The following FBXO31 variants were observed in gnomAD, a reference collection of about 807,000 sequenced individuals.
FBXO31 encodes F-box protein 31, also known as F-box only protein 31.
Under a neutral mutation model 54.4 loss-of-function variants are expected in FBXO31, and 24 were observed. That is an observed-to-expected ratio of 0.44 (90% CI 0.32 to 0.62). The LOEUF (loss-of-function observed/expected upper bound fraction) is 0.62, where lower values mean the gene tolerates loss of function less well. Ranked by LOEUF, FBXO31 falls within the 20% of genes least tolerant of loss-of-function variation. The pLI is 0.05. For missense variants in FBXO31, 665 were observed against 787.1 expected (o/e 0.84, Z 1.86); for synonymous variants, 388 against 335.6 (o/e 1.16, Z -1.71).
At chr16:87,351,039 C>A (rs1905630697) in intron 2 of FBXO31, among the ~76,000 whole-genome samples, 1 of 152,218 alleles carries the variant, frequency 6.6e-6, no homozygotes, top group South Asian at 2.1e-4. Context: ...GTGACGGCCA[C>A]CAAAACCATC....
At chr16:87,367,319 C>G (rs922458327) in intron 1 of FBXO31, 1 of 152,198 alleles carries the variant, frequency 6.6e-6, no homozygotes, top group African/African-American at 2.4e-5. Flanking sequence ...CACCCTCAGA[C>G]CAGCTCAGTG....
chr16:87,361,541 G>C (rs768102218), intron 1 of FBXO31, among the ~76,000 whole-genome samples: 1 of 152,202 alleles, frequency 6.6e-6, no homozygotes, highest in East Asian at 1.9e-4. Context: ...CCGAGGCCCA[G>C]TGAAGTTGAT....
rs1905346865 is a variant in FBXO31, at chr16:87,345,486, T to G, written c.489+1688A>C. The stretch of plus-strand genomic sequence containing the variant: ...CAAATACCAAGAAAAGTCAGACAAC[T>G]TCACTGTGTTGAATGAGCAGCTACT... On this transcript the variant is annotated intron_variant, in intron 3 of 8. Coordinates refer to ENST00000311635, the MANE Select transcript of FBXO31 (RefSeq NM_024735.5). The surrounding 1 kb of genome is among the most constrained non-coding windows in gnomAD (Gnocchi z 4.9). Among the ~76,000 whole-genome samples the G allele has an allele frequency of 6.6e-6, 1 of 151,932 alleles. No homozygotes were observed. The highest frequency in any genetic ancestry group is 2.1e-4 in the South Asian group (1 of 4,804).
chr16:87,383,361 G>C lies in FBXO31; in HGVS notation c.340+44C>G. The C allele has an allele frequency of 6.9e-7, 1 of 1,440,466 alleles. No individual in the cohort carries two copies. The highest frequency in any genetic ancestry group is 9.4e-7 in the Non-Finnish European group (1 of 1,067,638). 89.2% of individuals were successfully genotyped at this position (1,440,466 alleles called of 1,614,324 possible). A position where few individuals can be genotyped will look rare whatever the true frequency, so the allele number is the denominator to read the frequency against. On this transcript the variant is annotated intron_variant, in intron 1 of 8. Coordinates refer to ENST00000311635, the MANE Select transcript of FBXO31 (RefSeq NM_024735.5). This position sits in a 1 kb window ranked among gnomAD's most constrained non-coding sequence, Gnocchi z 4.9. Reference sequence around the variant, plus strand: ...CCAGCTCCGAGGCCTCCACCTGGCAGGGACCCCCCGCCCCTCCCGGCCCCG... The same window carrying C: ...CCAGCTCCGAGGCCTCCACCTGGCACGGACCCCCCGCCCCTCCCGGCCCCG...
intron 1 of FBXO31, among the ~76,000 whole-genome samples, chr16:87,375,350 GGCATGGTGGT>G (rs1248305070): frequency 1.3e-5 from 2 of 151,772 alleles, no homozygotes; most frequent in Non-Finnish European, 2.9e-5. Context: ...AAATTAGCTG[GGCATGGTGGT>G]GCATGTTTGT....
intron 1 of FBXO31, among the ~76,000 whole-genome samples, chr16:87,389,334 G>T (rs1171723650): frequency 1.3e-5 from 2 of 152,114 alleles, no homozygotes; most frequent in African/African-American, 4.8e-5. Context: ...TGCAAATGTG[G>T]ACTTCAGTCC....
intron 2 of FBXO31, 22 bp downstream of exon 2, chr16:87,360,273 G>T: frequency 1.2e-6 from 2 of 1,605,942 alleles, no homozygotes; most frequent in Non-Finnish European, 1.7e-6. Context: ...AATCATGGAT[G>T]GTAACAAATA....
At chr16:87,378,889 G>C (rs552074604) in intron 1 of FBXO31, among the ~76,000 whole-genome samples, 13 of 151,222 alleles carry the variant, frequency 8.6e-5, no homozygotes, top group African/African-American at 2.9e-4. Context: ...GTGAACCCAG[G>C]AGGCGGAGCT....
chr16:87,358,696 AGTGGTGCCACCAGAAACTCACG>A lies in FBXO31; in HGVS notation c.412+1577_412+1598del, dbSNP rs1372978663. 1.3e-5 allele frequency among the ~76,000 whole-genome samples: 2 copies of A among 152,116 alleles called. No homozygotes were observed. Among genetic ancestry groups the A allele is most frequent in the African/African-American group, 4.8e-5 (2 of 41,430 alleles). On this transcript the variant is annotated intron_variant, in intron 2 of 8. Coordinates refer to ENST00000311635, the MANE Select transcript of FBXO31 (RefSeq NM_024735.5). The surrounding 1 kb of genome is among the most constrained non-coding windows in gnomAD (Gnocchi z 4.0). ...CACTGTGACACGTTTTCCTTCCATCAGTGGTGCCACCAGAAACTCACGGTGGCAGCAAGCTTGGAAATCCTTT... is the reference window on the plus strand; with the variant it reads ...CACTGTGACACGTTTTCCTTCCATCAGTGGCAGCAAGCTTGGAAATCCTTT...
chr16:87,382,394 A>G (rs1315419930), intron 1 of FBXO31, among the ~76,000 whole-genome samples: 1 of 152,104 alleles, frequency 6.6e-6, no homozygotes, highest in Non-Finnish European at 1.5e-5. Context: ...CATCGCTTGG[A>G]TGTTTTCTAA....
intron 2 of FBXO31, among the ~76,000 whole-genome samples, chr16:87,348,784 G>A (rs562897377): frequency 6.6e-5 from 10 of 152,362 alleles, no homozygotes; most frequent in African/African-American, 2.4e-4. Context: ...ACCCACCAGA[G>A]CAGCAGGCAG....
At position 87,358,190 on chromosome 16, in the gene FBXO31, G is replaced by T. The variant is rs1469865832; in HGVS notation, c.412+2105C>A. Among the ~76,000 whole-genome samples, 2 of 152,138 alleles carry T rather than the reference G, an allele frequency of 1.3e-5. No homozygotes were observed. Among genetic ancestry groups the T allele is most frequent in the Non-Finnish European group, 2.9e-5 (2 of 68,036 alleles). ...AGTACCCAGAAACCACTGCAGAAAG[G>T]TAAGCCAAATGCAGCCTGGGTCCAA... On this transcript the variant is annotated intron_variant, in intron 2 of 8. Coordinates refer to ENST00000311635, the MANE Select transcript of FBXO31 (RefSeq NM_024735.5). This position sits in a 1 kb window ranked among gnomAD's most constrained non-coding sequence, Gnocchi z 4.0.
Position 87,343,772 on chromosome 16 carries a change from G to A in FBXO31, c.490-7C>T. ...TGATGAACAGGCCGTCCACCTACAG[G>A]AGGAGATGGGCAAAGGTCCATGAGT... On this transcript the variant is annotated splice_region_variant and splice_polypyrimidine_tract_variant and intron_variant, in intron 3 of 8. Transcript: ENST00000311635. The A allele has an allele frequency of 6.2e-7, 1 of 1,613,144 alleles. No homozygotes were observed. The highest frequency in any genetic ancestry group is 8.5e-7 in the Non-Finnish European group (1 of 1,179,130).
chr16:87,332,521 T>C (rs2150667167), intron 8 of FBXO31, among the ~76,000 whole-genome samples: 1 of 152,360 alleles, frequency 6.6e-6, no homozygotes, highest in South Asian at 2.1e-4. Flanking sequence ...TTCAAACATT[T>C]ATATTAGCGA....
rs144018232 is a variant in FBXO31, at chr16:87,351,602, C to T, written c.413-4352G>A. Among the ~76,000 whole-genome samples, 582 of 152,314 alleles carry T rather than the reference C, an allele frequency of 3.8e-3. 5 individuals carry two copies. Among genetic ancestry groups the T allele is most frequent in the African/African-American group, 0.013 (538 of 41,576 alleles). On this transcript the variant is annotated intron_variant, in intron 2 of 8. Coordinates refer to ENST00000311635, the MANE Select transcript of FBXO31 (RefSeq NM_024735.5). ...GGATAGGGCTGGGTGCGGTGGCTCACTCAAGCCTATAATCCCAGAACTTTA... is the reference window on the plus strand; with the variant it reads ...GGATAGGGCTGGGTGCGGTGGCTCATTCAAGCCTATAATCCCAGAACTTTA...
At chr16:87,368,102 T>C (rs1482511025) in intron 1 of FBXO31, among the ~76,000 whole-genome samples, 1 of 152,160 alleles carries the variant, frequency 6.6e-6, no homozygotes, top group Non-Finnish European at 1.5e-5. Flanking sequence ...AAGTAGGAGA[T>C]GAAATCAACA....
At chr16:87,348,656 T>A (rs1905505051) in intron 2 of FBXO31, among the ~76,000 whole-genome samples, 1 of 152,148 alleles carries the variant, frequency 6.6e-6, no homozygotes, top group African/African-American at 2.4e-5. Context: ...TGTTACAGCC[T>A]CACCCATCTG....
At chr16:87,364,639 T>C (rs1906277391) in intron 1 of FBXO31, among the ~76,000 whole-genome samples, 1 of 152,156 alleles carries the variant, frequency 6.6e-6, no homozygotes, top group African/African-American at 2.4e-5. Context: ...CCCTCCAGAA[T>C]GCAGTACAAC....
intron 2 of FBXO31, among the ~76,000 whole-genome samples, chr16:87,347,944 C>A (rs370439145): frequency 1.3e-5 from 2 of 152,248 alleles, no homozygotes; most frequent in African/African-American, 4.8e-5. Context: ...CAATGTCACA[C>A]TCGCTGAAGG....
Sources: allele counts gnomAD v4.1 joint callset (sites outside exome capture counted in the v4.1 genomes callset), GRCh38; gene constraint gnomAD v4.1.1; non-coding constraint Gnocchi (gnomAD v3.1); transcripts MANE v1.5; gene names NCBI Gene and HGNC (gene_info 2026-07-23, HGNC 2026-07-21).